Variants in IL1RAPL1 observed in about 807,000 individuals in gnomAD.
IL1RAPL1 encodes interleukin-1 receptor accessory protein-like 1.
IL1RAPL1 carries 3 observed loss-of-function variants against 48.4 expected under a neutral mutation model. That is an observed-to-expected ratio of 0.06 (90% CI 0.03 to 0.16). The LOEUF (loss-of-function observed/expected upper bound fraction) is 0.16. IL1RAPL1 is among the 10% of genes least tolerant of loss of function. The probability of loss-of-function intolerance (pLI) is 1.00; values close to 1 mark genes in which losing one functional copy is unlikely to be tolerated. For missense variants in IL1RAPL1, 349 were observed against 530.6 expected (o/e 0.66, Z 3.36); for synonymous variants, 185 against 187.7 (o/e 0.99, Z 0.12).
chrX:28,769,005 T>C (rs903865629), intron 1 of IL1RAPL1, among the ~76,000 whole-genome samples: 5 of 107,519 alleles, frequency 4.7e-5, no homozygotes, highest in Non-Finnish European at 7.7e-5. Flanking sequence ...GTTCCATAGC[T>C]AGTTAAAACA....
intron 2 of IL1RAPL1, among the ~76,000 whole-genome samples, chrX:28,986,408 C>A (rs773931116): frequency 1.8e-5 from 2 of 112,083 alleles, no homozygotes; most frequent in Non-Finnish European, 3.8e-5. Context: ...CCATTTTATA[C>A]CTAATAGAGT....
chrX:28,894,465 T>G, intron 2 of IL1RAPL1, among the ~76,000 whole-genome samples: 1 of 110,475 alleles, frequency 9.1e-6, no homozygotes, highest in Admixed American at 9.6e-5. Flanking sequence ...GTCATGGGGG[T>G]CAGGTGTGGT....
intron 2 of IL1RAPL1, among the ~76,000 whole-genome samples, chrX:29,006,402 T>G (rs1355310328): frequency 9.2e-6 from 1 of 108,674 alleles, no homozygotes; most frequent in Non-Finnish European, 1.9e-5. Context: ...TAATCCCAGC[T>G]ACTTGGGAGG....
intron 9 of IL1RAPL1, among the ~76,000 whole-genome samples, chrX:29,947,276 A>G (rs1449638106): frequency 8.9e-6 from 1 of 112,047 alleles, no homozygotes; most frequent in Non-Finnish European, 1.9e-5. Flanking sequence ...AGTTTTGTTT[A>G]AAGTTATAAT....
chrX:29,294,355 C>T (rs1233335795), intron 3 of IL1RAPL1, among the ~76,000 whole-genome samples: 1 of 108,581 alleles, frequency 9.2e-6, no homozygotes, highest in Admixed American at 1.0e-4. Flanking sequence ...GGTGAAACCC[C>T]GTTTCTACTA....
intron 5 of IL1RAPL1, among the ~76,000 whole-genome samples, chrX:29,470,393 AAAT>A (rs912520060): frequency 4.5e-5 from 5 of 111,218 alleles, no homozygotes; most frequent in African/African-American, 1.3e-4. Flanking sequence ...TATAAAAAGT[AAAT>A]AATAATAATC....
intron 6 of IL1RAPL1, among the ~76,000 whole-genome samples, chrX:29,833,518 G>A (rs1304380464): frequency 9.0e-6 from 1 of 111,220 alleles, no homozygotes; most frequent in Non-Finnish European, 1.9e-5. Flanking sequence ...ATTATAGGCA[G>A]CCCATGCTAC....
chrX:28,766,973 G>C (rs1698080867), intron 1 of IL1RAPL1, among the ~76,000 whole-genome samples: 1 of 111,121 alleles, frequency 9.0e-6, no homozygotes, highest in African/African-American at 3.3e-5. Flanking sequence ...TCAAATCTTA[G>C]CTATTGTGAC....
chrX:29,473,747 C>A (rs1251388243), intron 5 of IL1RAPL1, among the ~76,000 whole-genome samples: 1 of 110,643 alleles, frequency 9.0e-6, no homozygotes, highest in African/African-American at 3.3e-5. Flanking sequence ...AATGTAACCC[C>A]TAAAGCATTT....
chrX:29,343,242 A>T (rs1933106864), intron 3 of IL1RAPL1, among the ~76,000 whole-genome samples: 1 of 112,303 alleles, frequency 8.9e-6, no homozygotes, highest in African/African-American at 3.2e-5. Flanking sequence ...GTTTTCTCCC[A>T]TGGTGAGATT....
chrX:28,956,101 A>C (rs917927360), intron 2 of IL1RAPL1, among the ~76,000 whole-genome samples: 5 of 107,589 alleles, frequency 4.6e-5, no homozygotes, highest in African/African-American at 1.7e-4. Context: ...TGATTTTTGT[A>C]CATTGATTTT....
intron 1 of IL1RAPL1, among the ~76,000 whole-genome samples, chrX:28,658,417 A>G (rs1934775541): frequency 9.0e-6 from 1 of 111,634 alleles, no homozygotes; most frequent in South Asian, 3.8e-4. Flanking sequence ...GGGTTTCACC[A>G]TGGTGATCAG....
chrX:29,075,354 A>C (rs1432312301), intron 2 of IL1RAPL1, among the ~76,000 whole-genome samples: 2 of 111,845 alleles, frequency 1.8e-5, no homozygotes, highest in Non-Finnish European at 3.8e-5. Flanking sequence ...GACTATAAAT[A>C]GAAACAGCTC....
At chrX:29,772,704 T>G (rs1486774320) in intron 6 of IL1RAPL1, among the ~76,000 whole-genome samples, 1 of 112,084 alleles carries the variant, frequency 8.9e-6, no homozygotes, top group Non-Finnish European at 1.9e-5. Flanking sequence ...GAGCAGAGGG[T>G]GGAAAGGAAT....
chrX:29,701,981 G>T (rs1433418375), intron 6 of IL1RAPL1, among the ~76,000 whole-genome samples: 1 of 111,667 alleles, frequency 9.0e-6, no homozygotes, highest in African/African-American at 3.3e-5. Context: ...CTGGCCAGGC[G>T]CGGTGGCTCA....
At chrX:29,214,537 A>G (rs1300008381) in intron 2 of IL1RAPL1, among the ~76,000 whole-genome samples, 1 of 111,726 alleles carries the variant, frequency 9.0e-6, no homozygotes, top group Non-Finnish European at 1.9e-5. Flanking sequence ...ATCCCATAAT[A>G]AAAGAATTAA....
At position 29,783,094 on chromosome X, in the gene IL1RAPL1, T is replaced by C. The variant is rs370249191; in HGVS notation, c.778+114590T>C. Among the ~76,000 whole-genome samples, 131 of 106,883 alleles carry C rather than the reference T, an allele frequency of 1.2e-3. 1 individual carries two copies. Among genetic ancestry groups the C allele is most frequent in the African/African-American group, 3.9e-3 (115 of 29,213 alleles). 92.8% of individuals were successfully genotyped at this position (106,883 alleles called of 115,157 possible). ...TAATTTTTTGTATTTTTAGTAGAGATGGGGTTTCACCGTTTTAGCCGGGAT... is the reference window on the plus strand; with the variant it reads ...TAATTTTTTGTATTTTTAGTAGAGACGGGGTTTCACCGTTTTAGCCGGGAT... On this transcript the variant is annotated intron_variant, in intron 6 of 10. Transcript: ENST00000378993.
At chrX:29,326,752 T>C (rs1932845199) in intron 3 of IL1RAPL1, among the ~76,000 whole-genome samples, 1 of 112,060 alleles carries the variant, frequency 8.9e-6, no homozygotes. Flanking sequence ...AAGTGGCCTA[T>C]TATTATTTTC....
chrX:29,803,524 T>TATAC (rs1491446349), intron 6 of IL1RAPL1, among the ~76,000 whole-genome samples: 2 of 99,045 alleles, frequency 2.0e-5, no homozygotes, highest in African/African-American at 7.4e-5. Flanking sequence ...TGTATATATG[T>TATAC]ATATATGTAT....
Sources: allele counts gnomAD v4.1 joint callset (sites outside exome capture counted in the v4.1 genomes callset), GRCh38; gene constraint gnomAD v4.1.1; transcripts MANE v1.5; gene names NCBI Gene and HGNC (gene_info 2026-07-23, HGNC 2026-07-21).